Variants in CHRM3 observed in about 807,000 individuals in gnomAD.
CHRM3 encodes cholinergic receptor muscarinic 3, also known as muscarinic acetylcholine receptor M3.
CHRM3 carries 11 observed loss-of-function variants against 41.8 expected under a neutral mutation model. The ratio of observed to expected loss-of-function variants is 0.26; its 90% confidence interval spans 0.17 to 0.44. The LOEUF (loss-of-function observed/expected upper bound fraction) is 0.44, where lower values mean the gene tolerates loss of function less well. Ranked by LOEUF, CHRM3 falls within the 20% of genes least tolerant of loss-of-function variation. The pLI is 1.00. For synonymous variants in CHRM3, 297 were observed against 301.4 expected (o/e 0.99, Z 0.15); for missense variants, 571 against 745.4 (o/e 0.77, Z 2.72).
chr1:239,908,072 G>A lies in CHRM3; in HGVS notation c.621G>A (p.Trp207Ter). 6.2e-7 allele frequency: 1 copy of A among 1,614,170 alleles called. No homozygotes were observed. The highest frequency in any genetic ancestry group is 8.5e-7 in the Non-Finnish European group (1 of 1,180,048). Residue 207 changes from tryptophan to a stop codon, truncating the protein, a stop_gained, in exon 7 of 7, where the codon TGG becomes TGA. Coordinates refer to ENST00000676153, the MANE Select transcript of CHRM3 (RefSeq NM_001375978.1). LOFTEE classifies it high-confidence loss of function. The surrounding 1 kb of genome is among the most constrained non-coding windows in gnomAD (Gnocchi z 7.2). ...TTTGGGCTCCTGCCATCTTGTTCTG[G>A]CAATACTTTGTTGGAAAGAGAACTG... ...FVLWAPAILF[W>*]QYFVGKRTVP...
intron 5 of CHRM3, among the ~76,000 whole-genome samples, chr1:239,824,211 G>A (rs1186992790): frequency 6.6e-6 from 1 of 152,100 alleles, no homozygotes; most frequent in East Asian, 1.9e-4. Flanking sequence ...GCATAGAGAA[G>A]CTTTGCAATT....
At chr1:239,567,940 G>A (rs973584369) in intron 3 of CHRM3, among the ~76,000 whole-genome samples, 8 of 152,264 alleles carry the variant, frequency 5.3e-5, no homozygotes, top group Admixed American at 3.9e-4. Flanking sequence ...GCCCCAATAA[G>A]GTCTGCACTT....
chr1:239,585,736 G>A (rs2148611473), intron 3 of CHRM3, among the ~76,000 whole-genome samples: 1 of 152,300 alleles, frequency 6.6e-6, no homozygotes, highest in Admixed American at 6.5e-5. Flanking sequence ...TAAGCAGAGA[G>A]ATAAAATATG....
chr1:239,763,014 A>G (rs929234587), intron 5 of CHRM3, among the ~76,000 whole-genome samples: 3 of 152,146 alleles, frequency 2.0e-5, no homozygotes, highest in Non-Finnish European at 4.4e-5. Context: ...GTCCATTTTT[A>G]TTTTAAGAGC....
At chr1:239,604,012 A>T (rs1665928251) in intron 3 of CHRM3, among the ~76,000 whole-genome samples, 1 of 152,198 alleles carries the variant, frequency 6.6e-6, no homozygotes, top group Non-Finnish European at 1.5e-5. Context: ...TCAGTAATAT[A>T]TTAGTAAAAA....
chr1:239,476,282 G>A (rs977447947), intron 1 of CHRM3, among the ~76,000 whole-genome samples: 2 of 151,844 alleles, frequency 1.3e-5, no homozygotes, highest in South Asian at 2.1e-4. Context: ...TCTTGCCAAC[G>A]TGGCGAAACC....
chr1:239,514,823 TG>T, intron 2 of CHRM3, among the ~76,000 whole-genome samples: 1 of 152,142 alleles, frequency 6.6e-6, no homozygotes, highest in Non-Finnish European at 1.5e-5. Flanking sequence ...TTCTGACTCC[TG>T]GCTGCCGAAC....
rs150838878 is a variant in CHRM3 at position 239,836,866 on chromosome 1, T to C, written c.-20+9488T>C. ...GGCACATGCCTGTAATCCCAGCTAC[T>C]TGGGAGGCTGAGGCAGGAGAATCAC... On this transcript the variant is annotated intron_variant, in intron 6 of 6. Coordinates refer to ENST00000676153, the MANE Select transcript of CHRM3 (RefSeq NM_001375978.1). Among the ~76,000 whole-genome samples, 207 of 151,800 alleles carry C rather than the reference T, an allele frequency of 1.4e-3. 1 individual carries two copies. The East Asian group carries it at 0.029, about 21-fold the overall frequency.
At chr1:239,787,607 T>C (rs1669010083) in intron 5 of CHRM3, among the ~76,000 whole-genome samples, 1 of 152,074 alleles carries the variant, frequency 6.6e-6, no homozygotes, top group Non-Finnish European at 1.5e-5. Flanking sequence ...TTCAGTAAAG[T>C]GAAACAGGCA....
intron 1 of CHRM3, among the ~76,000 whole-genome samples, chr1:239,444,696 C>T (rs1214390654): frequency 1.3e-5 from 2 of 151,888 alleles, no homozygotes; most frequent in Admixed American, 6.6e-5. Context: ...GCAAACACCG[C>T]GATTACTTTT....
chr1:239,786,951 T>C (rs986494095), intron 5 of CHRM3, among the ~76,000 whole-genome samples: 11 of 152,166 alleles, frequency 7.2e-5, no homozygotes, highest in South Asian at 4.1e-4. Context: ...AACTCAATGA[T>C]AAATTTATAT....
chr1:239,859,819 T>TTATATATATCTA (rs1675468384), intron 6 of CHRM3, among the ~76,000 whole-genome samples: 1 of 131,424 alleles, frequency 7.6e-6, no homozygotes, highest in Non-Finnish European at 1.6e-5. Context: ...TCTAAGTGTT[T>TTATATATATCTA]TATATATATA....
chr1:239,641,766 T>C (rs1671183926), intron 4 of CHRM3, among the ~76,000 whole-genome samples: 1 of 124,108 alleles, frequency 8.1e-6, no homozygotes, highest in African/African-American at 3.2e-5. Flanking sequence ...TCCATTTATA[T>C]TTAAAGTTAA....
At chr1:239,710,302 C>T (rs942370152) in intron 5 of CHRM3, among the ~76,000 whole-genome samples, 6 of 152,078 alleles carry the variant, frequency 3.9e-5, no homozygotes, top group Admixed American at 2.0e-4. Context: ...TATATAACTA[C>T]ATCCATATTG....
Position 239,662,893 on chromosome 1 carries a change from C to CTCCTCTTCTTCTTCTTCT in CHRM3, c.-249-15291_-249-15290insCTCTTCTTCTTCTTCTTC, listed in dbSNP as rs377732277. ...TCTCCTCTTTCTCCTCTTCCTCCTC[C>CTCCTCTTCTTCTTCTTCT]TCTTCTTCTTCTTCTTCTTCTTCTT... On this transcript the variant is annotated intron_variant, in intron 4 of 6. Transcript: ENST00000676153. Among the ~76,000 whole-genome samples the CTCCTCTTCTTCTTCTTCT allele has an allele frequency of 1.1e-3, 49 of 46,388 alleles. 2 individuals carry two copies. Among genetic ancestry groups the CTCCTCTTCTTCTTCTTCT allele is most frequent in the African/African-American group, 3.4e-3 (43 of 12,718 alleles). 30.4% of individuals were successfully genotyped at this position (46,388 alleles called of 152,430 possible).
chr1:239,558,340 T>C (rs970371172), intron 3 of CHRM3, among the ~76,000 whole-genome samples: 1 of 152,180 alleles, frequency 6.6e-6, no homozygotes, highest in South Asian at 2.1e-4. Flanking sequence ...TTTTTGTAAG[T>C]TTGCTTAAGT....
intron 3 of CHRM3, among the ~76,000 whole-genome samples, chr1:239,598,357 G>A (rs890071918): frequency 6.6e-6 from 1 of 152,038 alleles, no homozygotes; most frequent in Non-Finnish European, 1.5e-5. Flanking sequence ...AGATGAAATC[G>A]TACTCATTAC....
Position 239,848,541 on chromosome 1 carries a change from T to C in CHRM3, c.-20+21163T>C, listed in dbSNP as rs185811969. The stretch of plus-strand genomic sequence containing the variant: ...GTATATATATATACATTTATATCAC[T>C]TTATCCTCATATTTTATCCCCATTT... On this transcript the variant is annotated intron_variant, in intron 6 of 6. Coordinates refer to ENST00000676153, the MANE Select transcript of CHRM3 (RefSeq NM_001375978.1). Among the ~76,000 whole-genome samples, 931 of 152,258 alleles carry C rather than the reference T, an allele frequency of 6.1e-3. 4 individuals carry two copies. Among genetic ancestry groups the C allele is most frequent in the Non-Finnish European group, 0.01 (697 of 68,014 alleles).
chr1:239,567,684 G>A (rs1449659274), intron 3 of CHRM3, among the ~76,000 whole-genome samples: 1 of 152,124 alleles, frequency 6.6e-6, no homozygotes, highest in Non-Finnish European at 1.5e-5. Flanking sequence ...GTGAGTGTGT[G>A]GCTTCCATTA....
Sources: gnomAD v4.1 joint callset for allele counts (sites outside exome capture counted in the v4.1 genomes callset) on GRCh38, gnomAD v4.1.1 for gene constraint, Gnocchi (gnomAD v3.1) non-coding constraint, MANE v1.5 for transcripts, NCBI Gene and HGNC (gene_info 2026-07-23, HGNC 2026-07-21) for gene names.